The following ADGRF3 variants were observed in gnomAD, a reference collection of about 807,000 sequenced individuals.
The protein encoded by ADGRF3 is G protein-coupled receptor 113.
A neutral mutation model predicts 93.2 loss-of-function variants in ADGRF3; 85 were observed. The ratio of observed to expected loss-of-function variants is 0.91; its 90% confidence interval spans 0.77 to 1.09. ADGRF3 has a LOEUF of 1.09. Ranked by LOEUF, ADGRF3 falls within the 50% of genes least tolerant of loss-of-function variation. ADGRF3 has a pLI of 0.00. For missense variants in ADGRF3, 1,125 were observed against 1,246.2 expected (o/e 0.90, Z 1.46); for synonymous variants, 534 against 532.5 (o/e 1.00, Z -0.04).
rs150934211 is a variant in ADGRF3, at chr2:26,311,811, C to A, written c.1713G>T (p.Arg571Ser). 1 of 1,613,686 alleles carries A rather than the reference C, an allele frequency of 6.2e-7. No homozygotes were observed. Reference sequence around the variant, plus strand: ...TACGGACCAATGGGGCCAGTGAGTGCCTGGGAATCTGAGCCTGCAGTGGGG... The same window carrying A: ...TACGGACCAATGGGGCCAGTGAGTGACTGGGAATCTGAGCCTGCAGTGGGG... The part of the protein sequence containing the change: ...TRPPLQAQIP[R>S]HSLAPLVRNG... Residue 571 changes from arginine (R) to serine (S), a missense_variant, in exon 10 of 14, where the codon AGG (arginine) becomes AGT (serine). Transcript: ENST00000651242.
At chr2:26,340,989 A>C (rs1676361333) in intron 1 of ADGRF3, among the ~76,000 whole-genome samples, 2 of 152,126 alleles carry the variant, frequency 1.3e-5, no homozygotes, top group South Asian at 4.1e-4. Flanking sequence ...GCCTCATATC[A>C]CACTGGGTCC....
chr2:26,332,151 G>T (rs1370112949), intron 1 of ADGRF3, among the ~76,000 whole-genome samples: 1 of 152,142 alleles, frequency 6.6e-6, no homozygotes, highest in East Asian at 1.9e-4. Flanking sequence ...CTTCTACACT[G>T]GAATGTGTTA....
intron 1 of ADGRF3, among the ~76,000 whole-genome samples, chr2:26,338,243 G>A (rs1676163213): frequency 6.6e-6 from 1 of 152,134 alleles, no homozygotes; most frequent in East Asian, 1.9e-4. Flanking sequence ...GCCAGGTATG[G>A]TGATGCACAC....
At chr2:26,317,672 G>A in intron 1 of ADGRF3, 110 bp from the exon 2 acceptor site, 1 of 1,007,352 alleles carries the variant, frequency 9.9e-7, no homozygotes, top group Non-Finnish European at 1.5e-6. Flanking sequence ...TCTTCTTTTT[G>A]CCAGGAGTCA....
chr2:26,310,142 C>T (rs775094982), intron 11 of ADGRF3, 37 bp from the exon 12 acceptor site: 23 of 1,613,880 alleles, frequency 1.4e-5, no homozygotes, highest in East Asian at 6.7e-5. Flanking sequence ...ATGCCAGCCA[C>T]GGCCCCGGCC....
At chr2:26,319,028 G>A (rs1471622178) in intron 1 of ADGRF3, 1 of 1,551,502 alleles carries the variant, frequency 6.4e-7, no homozygotes, top group Non-Finnish European at 8.7e-7. Context: ...AGGAGCAGCA[G>A]TGGGGCAGCC....
rs997164628 is a variant in ADGRF3, at chr2:26,311,237, A to C, written c.2287T>G (p.Phe763Val). 3 of 1,609,052 alleles carry C rather than the reference A, an allele frequency of 1.9e-6. No homozygotes were observed. The highest frequency in any genetic ancestry group is 2.7e-5 in the African/African-American group (2 of 74,824). Residue 763 changes from phenylalanine (F) to valine (V), a missense_variant, in exon 10 of 14, where the codon TTC (phenylalanine) becomes GTC (valine). Physicochemically the swap from Phe to Val is conservative, Grantham distance 50. Transcript: ENST00000651242. ...GGGCTTCGGGGCCCTGGAGAGAGGA[A>C]TGGGGCGCCCAGGAAGCAAGTGTCT... The part of the protein sequence containing the change: ...AADTCFLGAP[F>V]LSPGPRSPLC...
chr2:26,323,322 G>C (rs926198561), intron 1 of ADGRF3, among the ~76,000 whole-genome samples: 1 of 152,184 alleles, frequency 6.6e-6, no homozygotes, highest in Non-Finnish European at 1.5e-5. Context: ...ACCACAAGGT[G>C]ATTGGCCTTT....
At chr2:26,317,970 C>T in intron 1 of ADGRF3, 1 of 1,430,150 alleles carries the variant, frequency 7.0e-7, no homozygotes, top group Non-Finnish European at 9.7e-7. Context: ...AGAAGGCAGC[C>T]TCTTTCCTCC....
chr2:26,320,260 G>A (rs955730485), intron 1 of ADGRF3, among the ~76,000 whole-genome samples: 1 of 152,200 alleles, frequency 6.6e-6, no homozygotes, highest in Non-Finnish European at 1.5e-5. Context: ...CCTTTGGGAG[G>A]CCGAGGTGAG....
At position 26,317,673 on chromosome 2, in the gene ADGRF3, C is replaced by T. The variant is rs1674821382; in HGVS notation, c.115-111G>A. The T allele has an allele frequency of 4.0e-6, 4 of 1,003,944 alleles. No individual in the cohort carries two copies. The Admixed American group carries it at 8.3e-5, about 21-fold the overall frequency. 62.2% of individuals were successfully genotyped at this position (1,003,944 alleles called of 1,614,324 possible). A position where few individuals can be genotyped will look rare whatever the true frequency, so the allele number is the denominator to read the frequency against. On this transcript the variant is annotated intron_variant, in intron 1 of 13. Coordinates refer to ENST00000651242, the MANE Select transcript of ADGRF3 (RefSeq NM_001321971.2). ...CAGTCTCAACCAGCTCTTCTTTTTG[C>T]CAGGAGTCAAGTGTACACATCAGGA... is the stretch of plus-strand genomic sequence containing the variant.
intron 1 of ADGRF3, among the ~76,000 whole-genome samples, chr2:26,337,517 A>C (rs535328531): frequency 3.9e-5 from 6 of 152,382 alleles, no homozygotes; most frequent in Admixed American, 3.3e-4. Flanking sequence ...GACCCACAGA[A>C]TTATGAGCAA....
At chr2:26,333,208 A>T (rs1000163151) in intron 1 of ADGRF3, among the ~76,000 whole-genome samples, 3 of 151,964 alleles carry the variant, frequency 2.0e-5, no homozygotes. Flanking sequence ...TATGAGCAAG[A>T]TTCTTTCCAG....
Position 26,309,249 on chromosome 2 carries a change from G to T in ADGRF3, c.2994-142C>A, listed in dbSNP as rs550280581. On this transcript the variant is annotated intron_variant, in intron 13 of 13. Coordinates refer to ENST00000651242, the MANE Select transcript of ADGRF3 (RefSeq NM_001321971.2). ...AATTAAATGTGTGATAATGTGAAAA[G>T]GAATTTTCAGAGAAACCAAGTCAAG... 1.9e-6 allele frequency: 3 copies of T among 1,589,198 alleles called. No homozygotes were observed. In the African/African-American group the frequency reaches 4.0e-5, roughly 21 times the overall value.
chr2:26,346,096 G>T (rs372407549), intron 1 of ADGRF3, 25 bp downstream of exon 1: 10 of 1,555,370 alleles, frequency 6.4e-6, no homozygotes, highest in Non-Finnish European at 8.7e-6. Context: ...ACGCGTGCGC[G>T]GTGGGCGGAG....
chr2:26,338,034 T>C (rs1676153853), intron 1 of ADGRF3, among the ~76,000 whole-genome samples: 1 of 150,764 alleles, frequency 6.6e-6, no homozygotes, highest in Admixed American at 6.6e-5. Context: ...AAAAATAAAA[T>C]AAATAAATAA....
At chr2:26,340,249 A>T (rs902313582) in intron 1 of ADGRF3, 5 of 152,358 alleles carry the variant, frequency 3.3e-5, no homozygotes, top group African/African-American at 1.2e-4. Flanking sequence ...ATGTCAAGGA[A>T]AAAGTGAAAG....
Position 26,313,798 on chromosome 2 carries a change from G to A in ADGRF3, c.1034C>T (p.Ala345Val), listed in dbSNP as rs886961378. The A allele has an allele frequency of 6.2e-7, 1 of 1,613,950 alleles. No homozygotes were observed. Among genetic ancestry groups the A allele is most frequent in the South Asian group, 1.1e-5 (1 of 91,082 alleles). The change falls in exon 7 of 14, where the codon GCT becomes GTT. Residue 345 changes from alanine to valine, a missense_variant. Transcript: ENST00000651242. ...GATGGAGATGGGGACCCTGAGTGGA[G>A]CCAGGCCCAGGCTCTGCAGGTCACA... ...YACDLQSLGL[A>V]PLRVPISITI...
chr2:26,311,194 G>T lies in ADGRF3; in HGVS notation c.2330C>A (p.Ala777Asp), dbSNP rs772717715. 1.9e-5 allele frequency: 31 copies of T among 1,600,586 alleles called. No individual in the cohort carries two copies. Among genetic ancestry groups the T allele is most frequent in the Admixed American group, 5.2e-5 (3 of 57,244 alleles). ...GPRSPLCLAA[A>D]FLCHFLYLAT... ...CAGGTAGAGGAAATGACAGAGGAAG[G>T]CGGCAGCAAGGCAGAGCGGGCTTCG... is the stretch of plus-strand genomic sequence containing the variant. The change falls in exon 10 of 14, where the codon GCC (alanine) becomes GAC (aspartate). Residue 777 changes from alanine (A) to aspartate (D), a missense_variant. Transcript: ENST00000651242.
Sources: allele counts gnomAD v4.1 joint callset (sites outside exome capture counted in the v4.1 genomes callset), GRCh38; gene constraint gnomAD v4.1.1; transcripts MANE v1.5; gene names NCBI Gene and HGNC (gene_info 2026-07-23, HGNC 2026-07-21).